Variants in SLIT2 observed in about 807,000 individuals in gnomAD.
SLIT2 encodes slit guidance ligand 2, also known as slit homolog 2 protein.
In SLIT2, 41 loss-of-function variants were observed where a neutral mutation model predicts 185.7. That is an observed-to-expected ratio of 0.22 (90% CI 0.17 to 0.29). The LOEUF (loss-of-function observed/expected upper bound fraction) is 0.29. SLIT2 is among the 10% of genes least tolerant of loss of function. The pLI, the probability that SLIT2 is intolerant of heterozygous loss-of-function variation, is 1.00. For missense variants in SLIT2, 1,571 were observed against 1,909.0 expected, an observed-to-expected ratio of 0.82 and a Z score of 3.30; for synonymous variants, 693 against 680.2, an observed-to-expected ratio of 1.02 and a Z score of -0.29.
chr4:20,256,056 T>G (rs774546504), intron 1 of SLIT2, among the ~76,000 whole-genome samples: 5 of 152,212 alleles, frequency 3.3e-5, no homozygotes, highest in Non-Finnish European at 5.9e-5. Flanking sequence ...GTTAGTAGTT[T>G]TCACTTTACA....
chr4:20,408,539 A>ACC (rs1726952494), intron 4 of SLIT2, among the ~76,000 whole-genome samples: 1 of 151,632 alleles, frequency 6.6e-6, no homozygotes, highest in Admixed American at 6.6e-5. Flanking sequence ...CAGTTTGCTG[A>ACC]CTCTGCTGTG....
chr4:20,375,409 CT>C (rs1723938712), intron 4 of SLIT2, among the ~76,000 whole-genome samples: 1 of 151,882 alleles, frequency 6.6e-6, no homozygotes. Flanking sequence ...CTATTATTTT[CT>C]TTTTTCTGGT....
intron 4 of SLIT2, among the ~76,000 whole-genome samples, chr4:20,458,464 A>C (rs1213924783): frequency 6.6e-6 from 1 of 152,230 alleles, no homozygotes; most frequent in Admixed American, 6.5e-5. Context: ...AACAGTTACC[A>C]GGCAGACTTG....
At chr4:20,354,571 C>T (rs1279697220) in intron 4 of SLIT2, among the ~76,000 whole-genome samples, 2 of 152,134 alleles carry the variant, frequency 1.3e-5, no homozygotes, top group African/African-American at 4.8e-5. Context: ...AATATATAAA[C>T]CTTTTCTTCA....
At chr4:20,351,170 T>A (rs1042834850) in intron 4 of SLIT2, among the ~76,000 whole-genome samples, 1 of 151,902 alleles carries the variant, frequency 6.6e-6, no homozygotes, top group Admixed American at 6.6e-5. Flanking sequence ...TGCTTCAGCC[T>A]CCTGAGTAGC....
intron 33 of SLIT2, among the ~76,000 whole-genome samples, chr4:20,600,363 C>A (rs1728310071): frequency 6.7e-6 from 1 of 148,354 alleles, no homozygotes; most frequent in African/African-American, 2.5e-5. Context: ...TTTCACCTAA[C>A]AAAGGATGGA....
intron 4 of SLIT2, among the ~76,000 whole-genome samples, chr4:20,396,883 T>C (rs1057348639): frequency 6.8e-6 from 1 of 146,820 alleles, no homozygotes; most frequent in African/African-American, 2.5e-5. Context: ...ACACCTAATA[T>C]ATAAATACAT....
intron 4 of SLIT2, among the ~76,000 whole-genome samples, chr4:20,403,286 A>G (rs1336122398): frequency 6.6e-6 from 1 of 151,966 alleles, no homozygotes; most frequent in East Asian, 1.9e-4. Context: ...TTGCCTTACA[A>G]TGAATCATTG....
intron 26 of SLIT2, among the ~76,000 whole-genome samples, chr4:20,563,681 G>T (rs1480262624): frequency 6.7e-6 from 1 of 150,274 alleles, no homozygotes; most frequent in African/African-American, 2.5e-5. Context: ...TAGATAAACA[G>T]CAAGATCTAA....
chr4:20,295,641 G>C lies in SLIT2; in HGVS notation c.395+26760G>C, dbSNP rs565640490. 2.0e-5 allele frequency among the ~76,000 whole-genome samples: 3 copies of C among 152,224 alleles called. No homozygotes were observed. In the South Asian group the frequency reaches 6.2e-4, roughly 32 times the overall value. Reference sequence around the variant, plus strand: ...GAAAGGTACTTGGGCTTCCTGAGAAGTTATTCATCCTGATAAAGTGAAATA... The same window carrying C: ...GAAAGGTACTTGGGCTTCCTGAGAACTTATTCATCCTGATAAAGTGAAATA... On this transcript the variant is annotated intron_variant, in intron 4 of 36. Transcript: ENST00000504154.
chr4:20,264,696 A>G (rs945400306), intron 3 of SLIT2, among the ~76,000 whole-genome samples: 11 of 152,014 alleles, frequency 7.2e-5, no homozygotes, highest in Admixed American at 7.2e-4. Context: ...GTTTTGTGCA[A>G]TGCAGAAAGA....
At chr4:20,568,804 A>G (rs1725316347) in intron 28 of SLIT2, 61 bp from the exon 29 acceptor site, 3 of 1,488,392 alleles carry the variant, frequency 2.0e-6, no homozygotes. Context: ...CAATATTTAG[A>G]CCACATGACT....
intron 4 of SLIT2, among the ~76,000 whole-genome samples, chr4:20,401,298 T>C (rs1025263603): frequency 3.3e-5 from 5 of 151,884 alleles, no homozygotes; most frequent in African/African-American, 1.2e-4. Context: ...TTAATCATGT[T>C]GATCAGAGCT....
At chr4:20,291,454 A>G (rs1373702132) in intron 4 of SLIT2, among the ~76,000 whole-genome samples, 2 of 33,020 alleles carry the variant, frequency 6.1e-5, no homozygotes, top group Non-Finnish European at 1.1e-4. Context: ...CCTCATATAT[A>G]TATATATATA....
chr4:20,254,308 G>T lies in SLIT2; in HGVS notation c.179+314G>T, dbSNP rs1298719163. ...AGGGGACAAGTACTGGAGGATGCCCGGGGCAAGTGAGACGCCACTTTGTTC... is the reference window on the plus strand; with the variant it reads ...AGGGGACAAGTACTGGAGGATGCCCTGGGCAAGTGAGACGCCACTTTGTTC... On this transcript the variant is annotated intron_variant, in intron 1 of 36. Coordinates refer to ENST00000504154, the MANE Select transcript of SLIT2 (RefSeq NM_004787.4). This position sits in a 1 kb window ranked among gnomAD's most constrained non-coding sequence, Gnocchi z 5.1. 2.0e-5 allele frequency among the ~76,000 whole-genome samples: 3 copies of T among 152,168 alleles called. No individual in the cohort carries two copies. The highest frequency in any genetic ancestry group is 6.5e-5 in the Admixed American group (1 of 15,286).
chr4:20,532,930 G>A (rs550508293), intron 17 of SLIT2, among the ~76,000 whole-genome samples: 1 of 152,260 alleles, frequency 6.6e-6, no homozygotes, highest in East Asian at 1.9e-4. Context: ...GCATAAAAAT[G>A]ATCCTTGTTT....
At chr4:20,299,849 T>C (rs1237430229) in intron 4 of SLIT2, among the ~76,000 whole-genome samples, 1 of 152,034 alleles carries the variant, frequency 6.6e-6, no homozygotes, top group East Asian at 1.9e-4. Context: ...TACTCTTTGC[T>C]AAAAATAATA....
At chr4:20,473,622 C>A (rs1215944317) in intron 5 of SLIT2, among the ~76,000 whole-genome samples, 12 of 151,940 alleles carry the variant, frequency 7.9e-5, no homozygotes, top group Non-Finnish European at 4.4e-5. Flanking sequence ...GTATCGATGG[C>A]TCCATTAGAA....
chr4:20,264,166 G>A (rs1261043921), intron 3 of SLIT2, among the ~76,000 whole-genome samples: 1 of 151,862 alleles, frequency 6.6e-6, no homozygotes, highest in East Asian at 1.9e-4. Flanking sequence ...TGCTGAAGAT[G>A]TAAACTTTAT....
Sources: gnomAD v4.1 joint callset for allele counts (sites outside exome capture counted in the v4.1 genomes callset) on GRCh38, gnomAD v4.1.1 for gene constraint, Gnocchi (gnomAD v3.1) non-coding constraint, MANE v1.5 for transcripts, NCBI Gene and HGNC (gene_info 2026-07-23, HGNC 2026-07-21) for gene names.